Variants in THAP12 observed in about 807,000 individuals in gnomAD.
The protein encoded by THAP12 is 52 kDa repressor of the inhibitor of the protein kinase.
THAP12 carries 20 observed loss-of-function variants against 63.0 expected under a neutral mutation model. The ratio of observed to expected loss-of-function variants is 0.32; its 90% CI spans 0.22 to 0.46. The LOEUF (loss-of-function observed/expected upper bound fraction) is 0.46. Ranked by LOEUF, THAP12 falls within the 20% of genes least tolerant of loss-of-function variation. THAP12 has a pLI of 1.00. For synonymous variants in THAP12, 264 were observed against 328.4 expected (o/e 0.80, Z 2.12); for missense variants, 568 against 908.2 (o/e 0.63, Z 4.81).
At chr11:76,368,075 T>G (rs1946644826) in intron 1 of THAP12, among the ~76,000 whole-genome samples, 1 of 152,226 alleles carries the variant, frequency 6.6e-6, no homozygotes, top group South Asian at 2.1e-4. Flanking sequence ...AGTTGTTTGT[T>G]TTTTAAATTC....
chr11:76,370,295 T>C (rs748300883), intron 1 of THAP12, among the ~76,000 whole-genome samples: 8 of 152,132 alleles, frequency 5.3e-5, no homozygotes, highest in South Asian at 4.1e-4. Flanking sequence ...GAAATTTTCA[T>C]GGATATGTTA....
intron 3 of THAP12, among the ~76,000 whole-genome samples, chr11:76,360,200 T>C (rs187477679): frequency 2.0e-5 from 3 of 152,192 alleles, no homozygotes; most frequent in Admixed American, 1.3e-4. Context: ...TAAGGAAAAT[T>C]AGATAAATGC....
chr11:76,352,426 A>G lies in THAP12; in HGVS notation c.724T>C (p.Cys242Arg). The change falls in exon 5 of 5, where the codon TGT becomes CGT. Residue 242 changes from cysteine to arginine, a missense_variant. Coordinates refer to ENST00000260045, the MANE Select transcript of THAP12 (RefSeq NM_004705.4). ...GTTTCTTCTCGAATACAGCTCTCAC[A>G]GATCTCTAGCATCTGCCTCTGCTGT... ...KTQQRQMLEI[C>R]ESCIREETLR... The G allele has an allele frequency of 3.1e-6, 5 of 1,611,918 alleles. No individual in the cohort carries two copies. The highest frequency in any genetic ancestry group is 4.2e-6 in the Non-Finnish European group (5 of 1,179,786).
chr11:76,369,699 G>A (rs556248689), intron 1 of THAP12, among the ~76,000 whole-genome samples: 9 of 152,386 alleles, frequency 5.9e-5, no homozygotes, highest in African/African-American at 2.2e-4. Context: ...GGCAGAGGCT[G>A]CCTATGTGAT....
chr11:76,369,056 C>A lies in THAP12; in HGVS notation c.90-3084G>T, dbSNP rs141600153. On this transcript the variant is annotated intron_variant, in intron 1 of 4. Coordinates refer to ENST00000260045, the MANE Select transcript of THAP12 (RefSeq NM_004705.4). Reference sequence around the variant, plus strand: ...ATGAAGAACTCCTACAAATAAATAACCCAACATAAAAATAGGCAAGGGGCC... The same window carrying A: ...ATGAAGAACTCCTACAAATAAATAAACCAACATAAAAATAGGCAAGGGGCC... Among the ~76,000 whole-genome samples the A allele has an allele frequency of 1.9e-3, 283 of 152,050 alleles. 1 individual carries two copies. The highest frequency in any genetic ancestry group is 6.3e-3 in the African/African-American group (261 of 41,450).
chr11:76,350,224 C>T lies in THAP12; in HGVS notation c.*640G>A, dbSNP rs566221325. 5 of 152,432 alleles carry T rather than the reference C, an allele frequency of 3.3e-5. No homozygotes were observed. Among genetic ancestry groups the T allele is most frequent in the Non-Finnish European group, 7.4e-5 (5 of 68,022 alleles). The allele number at this position is 152,432 out of a possible 1,614,324, so 9.4% of individuals were successfully genotyped here. A position where few individuals can be genotyped will look rare whatever the true frequency, so the allele number is the denominator to read the frequency against. On this transcript the variant is annotated 3_prime_UTR_variant, in exon 5 of 5. Transcript: ENST00000260045. Reference sequence around the variant, plus strand: ...ATGAAACAGAAGTGTTCAACATATACCTGCTAAAAAGCTTAGGAAGATGTA... The same window carrying T: ...ATGAAACAGAAGTGTTCAACATATATCTGCTAAAAAGCTTAGGAAGATGTA...
Position 76,380,749 on chromosome 11 carries a change from T to A in THAP12, c.88A>T (p.Arg30Ter). 1 of 1,446,182 alleles carries A rather than the reference T, an allele frequency of 6.9e-7. No individual in the cohort carries two copies. The highest frequency in any genetic ancestry group is 9.2e-7 in the Non-Finnish European group (1 of 1,091,518). 89.6% of individuals were successfully genotyped at this position (1,446,182 alleles called of 1,614,324 possible). The change falls in exon 1 of 5, where the codon AGA becomes TGA. Residue 30 changes from arginine (R) to a stop codon, truncating the protein, a stop_gained and splice_region_variant. Coordinates refer to ENST00000260045, the MANE Select transcript of THAP12 (RefSeq NM_004705.4). LOFTEE classifies it high-confidence loss of function. Reference protein sequence around the residue: ...AFFRFPRDPARCQKWVENCRR... With the variant: ...AFFRFPRDPA ...GCCCGCTCTGCGCCCGCCGCTTACC[T>A]GGCAGGGTCCCGCGGGAACCTGAAG...
At chr11:76,373,297 G>T (rs1946686885) in intron 1 of THAP12, among the ~76,000 whole-genome samples, 1 of 149,194 alleles carries the variant, frequency 6.7e-6, no homozygotes, top group Non-Finnish European at 1.5e-5. Flanking sequence ...AATGACTGGA[G>T]ATCGTGTCAT....
intron 1 of THAP12, among the ~76,000 whole-genome samples, chr11:76,378,951 A>G (rs888509579): frequency 1.3e-5 from 2 of 152,090 alleles, no homozygotes; most frequent in Non-Finnish European, 2.9e-5. Flanking sequence ...CTCAAACCCA[A>G]ACTTCTAGTA....
Position 76,351,828 on chromosome 11 carries a change from A to G in THAP12, c.1322T>C (p.Leu441Pro), listed in dbSNP as rs1946529126. 6.2e-7 allele frequency: 1 copy of G among 1,601,474 alleles called. No individual in the cohort carries two copies. ...HDAFEILVELLQALVLCLDGI... is the reference protein window; with the variant it reads ...HDAFEILVELPQALVLCLDGI... The stretch of plus-strand genomic sequence containing the variant: ...ATCTAAACATAAAACAAGTGCTTGC[A>G]GGAGTTCCACTAAAATTTCAAAAGC... Residue 441 changes from leucine (L) to proline (P), a missense_variant, in exon 5 of 5, where the codon CTG (leucine) becomes CCG (proline). By Grantham distance (98) the Leu-to-Pro change is moderately conservative. Coordinates refer to ENST00000260045, the MANE Select transcript of THAP12 (RefSeq NM_004705.4).
At chr11:76,361,332 A>G (rs1489729916) in intron 2 of THAP12, 1 of 325,032 alleles carries the variant, frequency 3.1e-6, no homozygotes. Flanking sequence ...TCTGTTTCTA[A>G]TTCAGCATCC....
intron 1 of THAP12, among the ~76,000 whole-genome samples, chr11:76,375,748 G>GGT (rs533812031): frequency 9.5e-4 from 2 of 2,104 alleles, no homozygotes; most frequent in South Asian, 0.031. Flanking sequence ...AAGAAAAGGT[G>GGT]GGGGGGGGGT....
At chr11:76,354,557 T>G (rs1271372293) in intron 4 of THAP12, among the ~76,000 whole-genome samples, 1 of 152,248 alleles carries the variant, frequency 6.6e-6, no homozygotes, top group African/African-American at 2.4e-5. Flanking sequence ...ACAAATTTCT[T>G]AAGTTCCTTG....
At chr11:76,360,098 T>C (rs527999043) in intron 3 of THAP12, among the ~76,000 whole-genome samples, 1 of 152,120 alleles carries the variant, frequency 6.6e-6, no homozygotes, top group Non-Finnish European at 1.5e-5. Context: ...AGTTTCTCTA[T>C]AAGGAGAAAA....
intron 1 of THAP12, among the ~76,000 whole-genome samples, chr11:76,376,137 T>C (rs1946708269): frequency 6.6e-6 from 1 of 152,164 alleles, no homozygotes; most frequent in African/African-American, 2.4e-5. Context: ...GTGGAGAAGG[T>C]TGCACAACAC....
chr11:76,376,252 G>A (rs945121654), intron 1 of THAP12, among the ~76,000 whole-genome samples: 8 of 152,166 alleles, frequency 5.3e-5, no homozygotes, highest in African/African-American at 9.7e-5. Context: ...ACCCCAAATC[G>A]TACACTTTAC....
At position 76,351,419 on chromosome 11, in the gene THAP12, G is replaced by C. The variant is rs1369099823; in HGVS notation, c.1731C>G (p.Thr577=). The change falls in exon 5 of 5, where the codon ACC becomes ACG. Residue 577 remains threonine, a synonymous_variant. Coordinates refer to ENST00000260045, the MANE Select transcript of THAP12 (RefSeq NM_004705.4). ...TGTGCTCCACTGTTGGGACACTTAG[G>C]GTTTCTTTATAGTAACTCTCAGAGG... ...QLTSESYYKE[T]LSVPTVEHII... is the part of the protein sequence containing the mutation. The C allele has an allele frequency of 1.9e-6, 3 of 1,603,828 alleles. No individual in the cohort carries two copies. Among genetic ancestry groups the C allele is most frequent in the East Asian group, 4.5e-5 (2 of 44,684 alleles).
At chr11:76,361,684 A>G (rs1946598729) in intron 2 of THAP12, among the ~76,000 whole-genome samples, 3 of 152,228 alleles carry the variant, frequency 2.0e-5, no homozygotes, top group African/African-American at 7.2e-5. Flanking sequence ...TTCACATACT[A>G]ATGATCACAA....
chr11:76,381,010 T>G lies in THAP12; in HGVS notation c.-174A>C, dbSNP rs1946755959. The G allele has an allele frequency of 8.1e-6, 2 of 247,580 alleles. No individual in the cohort carries two copies. The highest frequency in any genetic ancestry group is 7.4e-6 in the Non-Finnish European group (1 of 135,450). 15.3% of individuals were successfully genotyped at this position (247,580 alleles called of 1,614,324 possible). On this transcript the variant is annotated 5_prime_UTR_variant, in exon 1 of 5. Transcript: ENST00000260045. The stretch of plus-strand genomic sequence containing the variant: ...GCGAGGGCCAGGAGGGGTGCCGCGG[T>G]CCGAGGCCGGGCTGGGGACGCGGCT...
Sources: allele counts gnomAD v4.1 joint callset (sites outside exome capture counted in the v4.1 genomes callset), GRCh38; gene constraint gnomAD v4.1.1; transcripts MANE v1.5; gene names NCBI Gene and HGNC (gene_info 2026-07-23, HGNC 2026-07-21).